CACNA1D: variants seen among roughly 807,000 people sequenced by gnomAD.
CACNA1D encodes calcium voltage-gated channel subunit alpha1 D.
CACNA1D carries 55 observed loss-of-function variants against 257.1 expected under a neutral mutation model. The observed-to-expected ratio is 0.21, with a 90% confidence interval of 0.17 to 0.27. CACNA1D has a LOEUF of 0.27. Ranked by LOEUF, CACNA1D falls within the 10% of genes least tolerant of loss-of-function variation. The pLI is 1.00. For missense variants in CACNA1D, 1,876 were observed against 2,784.0 expected (o/e 0.67, Z 7.34); for synonymous variants, 980 against 1,014.9 (o/e 0.97, Z 0.65).
At chr3:53,583,456 A>G (rs974697275) in intron 3 of CACNA1D, among the ~76,000 whole-genome samples, 1 of 151,996 alleles carries the variant, frequency 6.6e-6, no homozygotes, top group African/African-American at 2.4e-5. Context: ...CAGCCCCATG[A>G]CCCCCAAGTA....
chr3:53,571,212 C>G (rs1234321981), intron 3 of CACNA1D, among the ~76,000 whole-genome samples: 1 of 152,010 alleles, frequency 6.6e-6, no homozygotes, highest in East Asian at 1.9e-4. Context: ...CTGAATCTTT[C>G]TTTGGAGATG....
chr3:53,693,062 G>T (rs2094542337), intron 8 of CACNA1D, among the ~76,000 whole-genome samples: 1 of 152,146 alleles, frequency 6.6e-6, no homozygotes, highest in Non-Finnish European at 1.5e-5. Flanking sequence ...AGTAAAAATA[G>T]AAATGTGATT....
At chr3:53,651,027 A>G (rs2094086232) in intron 4 of CACNA1D, 109 bp downstream of exon 4, 5 of 1,013,286 alleles carry the variant, frequency 4.9e-6, no homozygotes, top group South Asian at 2.6e-5. Flanking sequence ...TTGCTCTTTT[A>G]TGCCAGCTGT....
chr3:53,561,356 G>A (rs1489212575), intron 3 of CACNA1D, among the ~76,000 whole-genome samples: 1 of 152,154 alleles, frequency 6.6e-6, no homozygotes, highest in East Asian at 1.9e-4. Context: ...ATAACTCTGG[G>A]CAAACCTCTT....
intron 3 of CACNA1D, among the ~76,000 whole-genome samples, chr3:53,555,472 T>TTG (rs1282200548): frequency 1.4e-5 from 2 of 147,068 alleles, no homozygotes; most frequent in East Asian, 3.9e-4. Flanking sequence ...TTTTTTTTTT[T>TTG]TTTTTTTTTT....
intron 3 of CACNA1D, among the ~76,000 whole-genome samples, chr3:53,503,532 GA>G (rs1204636171): frequency 6.6e-6 from 1 of 152,188 alleles, no homozygotes; most frequent in Non-Finnish European, 1.5e-5. Context: ...ATACCTTTCA[GA>G]AAGGCAGATT....
intron 3 of CACNA1D, among the ~76,000 whole-genome samples, chr3:53,564,202 C>T (rs1008175576): frequency 6.6e-6 from 1 of 151,936 alleles, no homozygotes; most frequent in Non-Finnish European, 1.5e-5. Flanking sequence ...GCTCTGTTGC[C>T]GAGGCTGGAG....
intron 3 of CACNA1D, among the ~76,000 whole-genome samples, chr3:53,631,751 C>A (rs1415145125): frequency 6.6e-6 from 1 of 152,196 alleles, no homozygotes; most frequent in Non-Finnish European, 1.5e-5. Context: ...TCATGGGCTG[C>A]AGAATGGATA....
intron 3 of CACNA1D, among the ~76,000 whole-genome samples, chr3:53,555,212 C>T (rs773882878): frequency 3.8e-4 from 58 of 152,252 alleles, no homozygotes; most frequent in Non-Finnish European, 7.1e-4. Flanking sequence ...TTTAGTGTCA[C>T]GGGCTTGTGA....
At position 53,682,365 on chromosome 3, in the gene CACNA1D, TAAAAAAAAAAAAAAAA is replaced by T. The variant is rs3082718; in HGVS notation, c.1220+9255_1220+9270del. ...CGACATAGCGAGGCTTTGTCTCTGG[TAAAAAAAAAAAAAAAA>T]AAAAAAAAAAAAAAACAGAAGTCTT... On this transcript the variant is annotated intron_variant, in intron 8 of 47. Coordinates refer to ENST00000350061, the MANE Select transcript of CACNA1D (RefSeq NM_001128840.3). Among the ~76,000 whole-genome samples the T allele has an allele frequency of 8.3e-3, 391 of 47,382 alleles. 11 individuals carry two copies. Among genetic ancestry groups the T allele is most frequent in the African/African-American group, 0.033 (360 of 10,890 alleles). The allele number at this position is 47,382 out of a possible 152,430, so 31.1% of individuals were successfully genotyped here.
intron 3 of CACNA1D, among the ~76,000 whole-genome samples, chr3:53,580,605 G>T (rs759801653): frequency 6.6e-6 from 1 of 152,158 alleles, no homozygotes; most frequent in Non-Finnish European, 1.5e-5. Context: ...CTAGATGCAG[G>T]GACAGTTTTG....
intron 3 of CACNA1D, among the ~76,000 whole-genome samples, chr3:53,644,552 T>C (rs1576210408): frequency 6.6e-6 from 1 of 152,214 alleles, no homozygotes; most frequent in Non-Finnish European, 1.5e-5. Context: ...ACTCCTCATA[T>C]AAGTGAGATC....
At chr3:53,682,839 A>G (rs567820305) in intron 8 of CACNA1D, among the ~76,000 whole-genome samples, 2 of 152,326 alleles carry the variant, frequency 1.3e-5, no homozygotes, top group Admixed American at 6.5e-5. Flanking sequence ...ACCTTTCACC[A>G]TAAACAACTA....
At chr3:53,670,538 T>G (rs1337323270) in intron 7 of CACNA1D, among the ~76,000 whole-genome samples, 1 of 152,086 alleles carries the variant, frequency 6.6e-6, no homozygotes, top group Non-Finnish European at 1.5e-5. Flanking sequence ...AGAGACGGGT[T>G]TCACCATGTT....
intron 8 of CACNA1D, among the ~76,000 whole-genome samples, chr3:53,694,207 C>T (rs546541640): frequency 4.6e-5 from 7 of 152,280 alleles, no homozygotes; most frequent in South Asian, 2.1e-4. Flanking sequence ...GAACATGAGG[C>T]GTGTGCCCAG....
At chr3:53,803,709 G>C in intron 44 of CACNA1D, 137 bp downstream of exon 44, 1 of 798,778 alleles carries the variant, frequency 1.3e-6, no homozygotes, top group Non-Finnish European at 2.2e-6. Context: ...CTCCAGGCCA[G>C]AGGGAGAGTG....
At position 53,673,784 on chromosome 3, in the gene CACNA1D, C is replaced by T. The variant is rs750588563; in HGVS notation, c.1220+658C>T. On this transcript the variant is annotated intron_variant, in intron 8 of 47. Transcript: ENST00000350061. The surrounding 1 kb of genome is among the most constrained non-coding windows in gnomAD (Gnocchi z 4.1). ...GTCTGATCATCCTTGGCTCATTTTT[C>T]GTCCTTAACCTGGTTCTTGGTGTCC... The T allele has an allele frequency of 8.1e-6, 13 of 1,613,536 alleles. No individual in the cohort carries two copies. The highest frequency in any genetic ancestry group is 2.7e-5 in the African/African-American group (2 of 74,892).
chr3:53,586,047 G>A (rs1470356507), intron 3 of CACNA1D, among the ~76,000 whole-genome samples: 1 of 152,118 alleles, frequency 6.6e-6, no homozygotes, highest in Non-Finnish European at 1.5e-5. Flanking sequence ...CAGGAACAAA[G>A]CAGGCCCCAA....
At chr3:53,713,417 A>T (rs2094781740) in intron 9 of CACNA1D, among the ~76,000 whole-genome samples, 2 of 151,746 alleles carry the variant, frequency 1.3e-5, no homozygotes, top group South Asian at 2.1e-4. Context: ...GGTTGATCTG[A>T]GATTTTGCTA....
Sources: gnomAD v4.1 joint callset for allele counts (sites outside exome capture counted in the v4.1 genomes callset) on GRCh38, gnomAD v4.1.1 for gene constraint, Gnocchi (gnomAD v3.1) non-coding constraint, MANE v1.5 for transcripts, NCBI Gene and HGNC (gene_info 2026-07-23, HGNC 2026-07-21) for gene names.